The following ST3GAL5 variants were observed in gnomAD, a reference collection of about 807,000 sequenced individuals.
ST3GAL5 encodes ST3 beta-galactoside alpha-2,3-sialyltransferase 5, also known as lactosylceramide alpha-2,3-sialyltransferase.
ST3GAL5 carries 25 observed loss-of-function variants against 46.1 expected under a neutral mutation model. That is an observed-to-expected ratio of 0.54 (90% confidence interval 0.40 to 0.76). The LOEUF (loss-of-function observed/expected upper bound fraction) is 0.76, where lower values mean the gene tolerates loss of function less well. ST3GAL5 is among the 30% of genes least tolerant of loss of function. ST3GAL5 has a pLI of 0.00. For synonymous variants in ST3GAL5, 182 were observed against 192.7 expected, an observed-to-expected ratio of 0.94 and a Z score of 0.46; for missense variants, 431 against 521.2, an observed-to-expected ratio of 0.83 and a Z score of 1.69.
chr2:85,872,266 T>C (rs1433581514), intron 1 of ST3GAL5, among the ~76,000 whole-genome samples: 2 of 151,680 alleles, frequency 1.3e-5, no homozygotes, highest in African/African-American at 2.4e-5. Context: ...GAGAAAGAAA[T>C]AGGAATGGAA....
intron 3 of ST3GAL5, chr2:85,851,406 C>A (rs1021697613): frequency 8.4e-7 from 1 of 1,196,910 alleles, no homozygotes; most frequent in African/African-American, 1.6e-5. Flanking sequence ...CAGATCTCCA[C>A]TGATTGCCTG....
At chr2:85,877,228 T>C (rs1202174503) in intron 1 of ST3GAL5, among the ~76,000 whole-genome samples, 1 of 152,232 alleles carries the variant, frequency 6.6e-6, no homozygotes, top group Non-Finnish European at 1.5e-5. Flanking sequence ...ATACCTTATA[T>C]AAATTTCTCC....
intron 4 of ST3GAL5, chr2:85,847,525 T>C (rs1682939816): frequency 1.9e-6 from 2 of 1,077,814 alleles, no homozygotes; most frequent in Non-Finnish European, 2.3e-6. Flanking sequence ...CCCTCACTGT[T>C]CCTGGAGCCA....
chr2:85,874,045 CAG>C (rs1441822219), intron 1 of ST3GAL5, among the ~76,000 whole-genome samples: 1 of 152,182 alleles, frequency 6.6e-6, no homozygotes, highest in East Asian at 1.9e-4. Flanking sequence ...ACAAACTGAG[CAG>C]AGTTATGAGG....
chr2:85,857,169 TG>T (rs888383320), intron 3 of ST3GAL5, among the ~76,000 whole-genome samples: 47 of 145,958 alleles, frequency 3.2e-4, no homozygotes, highest in Non-Finnish European at 6.1e-4. Context: ...TGCTTGAGCC[TG>T]GGAAGTTGAG....
Position 85,863,492 on chromosome 2 carries a change from A to C in ST3GAL5, c.83-7T>G, listed in dbSNP as rs1558681261. ...GTGTACTCACTTGGCATTGCTGTGA[A>C]GAGAGGCGAAGAGGGCAGTGGGGAA... On this transcript the variant is annotated splice_polypyrimidine_tract_variant and splice_region_variant and intron_variant, in intron 1 of 6. Transcript: ENST00000638572. 1.9e-6 allele frequency: 3 copies of C among 1,614,168 alleles called. No individual in the cohort carries two copies. Among genetic ancestry groups the C allele is most frequent in the Non-Finnish European group, 2.5e-6 (3 of 1,180,024 alleles).
At chr2:85,846,200 T>C in intron 5 of ST3GAL5, 177 bp downstream of exon 5, 2 of 640,780 alleles carry the variant, frequency 3.1e-6, no homozygotes, top group Admixed American at 2.7e-5. Flanking sequence ...TGAGACTCCA[T>C]CCCCAAAAAA....
Position 85,848,169 on chromosome 2 carries a change from C to T in ST3GAL5, c.354G>A (p.Lys118=). The change falls in exon 4 of 7, where the codon AAG becomes AAA. Residue 118 remains lysine, a synonymous_variant. Transcript: ENST00000638572. ...AQKYAQQVLQ[K]ECRPKFAKTS... is the part of the protein sequence containing the mutation. ...TCTTGGCAAACTTGGGACGACATTCCTTCTGCAAGACTTGCTGAGCATATT... is the reference window on the plus strand; with the variant it reads ...TCTTGGCAAACTTGGGACGACATTCTTTCTGCAAGACTTGCTGAGCATATT... The T allele has an allele frequency of 6.2e-7, 1 of 1,614,204 alleles. No individual in the cohort carries two copies. Among genetic ancestry groups the T allele is most frequent in the Non-Finnish European group, 8.5e-7 (1 of 1,180,042 alleles).
chr2:85,885,551 G>A (rs1395557586), intron 1 of ST3GAL5, among the ~76,000 whole-genome samples: 2 of 152,164 alleles, frequency 1.3e-5, no homozygotes, highest in Admixed American at 6.5e-5. Flanking sequence ...GAATAAGGTC[G>A]GGCGCGGTGG....
At chr2:85,847,738 T>A (rs1573594668) in intron 4 of ST3GAL5, 123 bp downstream of exon 4, 1 of 1,399,838 alleles carries the variant, frequency 7.1e-7, no homozygotes, top group East Asian at 2.5e-5. Flanking sequence ...GAGGCTGCAG[T>A]GAGCTGAGAT....
In ST3GAL5 at chr2:85,847,878, C is replaced by T; in HGVS notation, c.645G>A (p.Gln215=). The T allele has an allele frequency of 6.2e-7, 1 of 1,613,952 alleles. No homozygotes were observed. The highest frequency in any genetic ancestry group is 8.5e-7 in the Non-Finnish European group (1 of 1,180,018). The change falls in exon 4 of 7, where the codon CAG becomes CAA. Residue 215 remains glutamine (Q), a synonymous_variant. Coordinates refer to ENST00000638572, the MANE Select transcript of ST3GAL5 (RefSeq NM_003896.4). The stretch of plus-strand genomic sequence containing the variant: ...CAATGTACCTTATCACAACATCGAA[C>T]TGGTTCAGGGTGTGGCCCAGTTCTA... ...HGLELGHTLN[Q]FDVVIRLNSA...
At chr2:85,870,014 CT>C (rs1203586191) in intron 1 of ST3GAL5, 28 of 350,456 alleles carry the variant, frequency 8.0e-5, no homozygotes, top group Non-Finnish European at 1.1e-4. Flanking sequence ...ATTCAATTAA[CT>C]TACATAATGT....
At position 85,846,516 on chromosome 2, in the gene ST3GAL5, T is replaced by G; in HGVS notation, c.710A>C (p.Lys237Thr). Reference sequence around the variant, plus strand: ...TGGATAAGTCATCCTTATAGTAGTTTTATTTCCAACATGTTCTGAATATCC... The same window carrying G: ...TGGATAAGTCATCCTTATAGTAGTTGTATTTCCAACATGTTCTGAATATCC... ...VEGYSEHVGN[K>T]TTIRMTYPEG... The change falls in exon 5 of 7, where the codon AAA (lysine) becomes ACA (threonine). Residue 237 changes from lysine (K) to threonine (T), a missense_variant. Coordinates refer to ENST00000638572, the MANE Select transcript of ST3GAL5 (RefSeq NM_003896.4). 6.2e-7 allele frequency: 1 copy of G among 1,614,220 alleles called. No individual in the cohort carries two copies. The highest frequency in any genetic ancestry group is 8.5e-7 in the Non-Finnish European group (1 of 1,180,036).
intron 3 of ST3GAL5, among the ~76,000 whole-genome samples, chr2:85,858,629 G>C (rs554755721): frequency 6.6e-6 from 1 of 152,298 alleles, no homozygotes; most frequent in African/African-American, 2.4e-5. Context: ...CTTTCTTAAA[G>C]ATCCCCAGAG....
intron 1 of ST3GAL5, 78 bp downstream of exon 1, chr2:85,888,746 C>T: frequency 9.2e-7 from 1 of 1,085,882 alleles, no homozygotes; most frequent in Non-Finnish European, 1.1e-6. Context: ...CCCAGCCGGC[C>T]CGGGAAGAGA....
intron 1 of ST3GAL5, among the ~76,000 whole-genome samples, chr2:85,881,331 C>T (rs763013575): frequency 3.3e-5 from 5 of 152,076 alleles, no homozygotes; most frequent in Non-Finnish European, 5.9e-5. Context: ...GTAGATGGGG[C>T]GTAGCTGAAA....
chr2:85,862,282 C>T (rs1480189770), intron 2 of ST3GAL5, among the ~76,000 whole-genome samples: 1 of 151,990 alleles, frequency 6.6e-6, no homozygotes, highest in Non-Finnish European at 1.5e-5. Flanking sequence ...TGGCAGAGCA[C>T]ACACACACAA....
In ST3GAL5 at chr2:85,888,831, G is replaced by A. The variant is rs1688068825; in HGVS notation, c.75C>T (p.Ala25=). 7.9e-7 allele frequency: 1 copy of A among 1,271,788 alleles called. No homozygotes were observed. 78.8% of individuals were successfully genotyped at this position (1,271,788 alleles called of 1,614,324 possible). A position where few individuals can be genotyped will look rare whatever the true frequency, so the allele number is the denominator to read the frequency against. ...GGGGGCTGCGCCACGTACCTCGGCC[G>A]GCAGGTGCCGCCGCTGCCTCGGTCC... The part of the protein sequence containing the change: ...QPRTEAAAAP[A]GRAMPSEYTY... Residue 25 remains alanine (A), a synonymous_variant, in exon 1 of 7, where the codon GCC becomes GCT. Transcript: ENST00000638572.
intron 1 of ST3GAL5, among the ~76,000 whole-genome samples, chr2:85,877,438 C>T (rs546867952): frequency 6.6e-6 from 1 of 152,292 alleles, no homozygotes; most frequent in East Asian, 1.9e-4. Flanking sequence ...TAGAAAGTCC[C>T]TCAACTGGAG....
Sources: gnomAD v4.1 joint callset for allele counts (sites outside exome capture counted in the v4.1 genomes callset) on GRCh38, gnomAD v4.1.1 for gene constraint, MANE v1.5 for transcripts, NCBI Gene and HGNC (gene_info 2026-07-23, HGNC 2026-07-21) for gene names.